ELAVL2: variants seen among roughly 807,000 people sequenced by gnomAD.
ELAVL2 encodes the protein ELAV like RNA binding protein 2, also known as ELAV-like protein 2.
In ELAVL2, 4 loss-of-function variants were observed where a neutral mutation model predicts 34.6. The observed-to-expected ratio is 0.12, with a 90% confidence interval of 0.06 to 0.26. The LOEUF is 0.26. Ranked by LOEUF, ELAVL2 falls within the 10% of genes least tolerant of loss-of-function variation. The pLI is 1.00. For missense variants in ELAVL2, 432 were observed against 442.8 expected (o/e 0.98, Z 0.22); for synonymous variants, 193 against 154.8 (o/e 1.25, Z -1.83).
chr9:23,797,943 G>T (rs937321932), intron 1 of ELAVL2, among the ~76,000 whole-genome samples: 1 of 150,664 alleles, frequency 6.6e-6, no homozygotes, highest in Non-Finnish European at 1.5e-5. Flanking sequence ...GAAAAAAAAA[G>T]AAAAGAAAAG....
intron 1 of ELAVL2, among the ~76,000 whole-genome samples, chr9:23,774,971 C>T (rs2057963510): frequency 6.6e-6 from 1 of 152,124 alleles, no homozygotes; most frequent in African/African-American, 2.4e-5. Context: ...CAAAATCATA[C>T]ACTCTCCTAT....
chr9:23,732,382 T>C (rs924704783), intron 2 of ELAVL2, among the ~76,000 whole-genome samples: 2 of 152,214 alleles, frequency 1.3e-5, no homozygotes, highest in African/African-American at 4.8e-5. Context: ...TTTTGGATAA[T>C]CACTGCTAAT....
the ELAVL2 span, among the ~76,000 whole-genome samples, chr9:23,844,324 C>G: frequency 2.0e-5 from 3 of 152,160 alleles, no homozygotes; most frequent in South Asian, 6.2e-4. Context: ...AGCACGGTGC[C>G]TAACCCAGTA....
intron 2 of ELAVL2, among the ~76,000 whole-genome samples, chr9:23,743,375 T>C (rs1461368049): frequency 6.6e-6 from 1 of 152,170 alleles, no homozygotes; most frequent in Non-Finnish European, 1.5e-5. Context: ...TTAGCTATTG[T>C]AATCCTCCAA....
intron 1 of ELAVL2, among the ~76,000 whole-genome samples, chr9:23,783,869 G>C (rs940662696): frequency 1.3e-5 from 2 of 152,100 alleles, no homozygotes; most frequent in Non-Finnish European, 2.9e-5. Context: ...CAAATAAAGG[G>C]CAAAGTACAC....
chr9:23,732,432 A>G (rs2046807619), intron 2 of ELAVL2, among the ~76,000 whole-genome samples: 1 of 152,220 alleles, frequency 6.6e-6, no homozygotes, highest in Admixed American at 6.5e-5. Flanking sequence ...CTTTTTAAAA[A>G]AGAGAAAGGA....
chr9:23,707,209 G>C (rs563058117), intron 3 of ELAVL2, among the ~76,000 whole-genome samples: 1 of 152,206 alleles, frequency 6.6e-6, no homozygotes, highest in Non-Finnish European at 1.5e-5. Context: ...AACTTAGATG[G>C]AATCAAATCT....
At chr9:23,743,055 T>C (rs1277351937) in intron 2 of ELAVL2, among the ~76,000 whole-genome samples, 2 of 152,152 alleles carry the variant, frequency 1.3e-5, no homozygotes, top group African/African-American at 4.8e-5. Context: ...AAAGGAATCC[T>C]AATGGAACAC....
chr9:23,763,290 A>T (rs1258608808), intron 1 of ELAVL2, among the ~76,000 whole-genome samples: 1 of 152,102 alleles, frequency 6.6e-6, no homozygotes, highest in Non-Finnish European at 1.5e-5. Context: ...AGCAGTATTA[A>T]ATCTAGTTTC....
intron 1 of ELAVL2, chr9:23,779,266 C>T: frequency 1.0e-6 from 1 of 985,368 alleles, no homozygotes; most frequent in Non-Finnish European, 1.2e-6. Flanking sequence ...TTTTGGTTTA[C>T]CCCAGTAGAA....
chr9:23,708,507 G>T (rs779220692), intron 3 of ELAVL2, among the ~76,000 whole-genome samples: 1 of 152,154 alleles, frequency 6.6e-6, no homozygotes, highest in Non-Finnish European at 1.5e-5. Flanking sequence ...ATAATACTAT[G>T]GTAAGTGAGT....
At chr9:23,835,041 C>T in the ELAVL2 span, among the ~76,000 whole-genome samples, 2 of 151,998 alleles carry the variant, frequency 1.3e-5, no homozygotes, top group East Asian at 3.9e-4. Context: ...ATTTAGGTAA[C>T]ATTTCTAAGG....
intron 2 of ELAVL2, among the ~76,000 whole-genome samples, chr9:23,759,784 ATAT>A (rs1564324972): frequency 3.8e-5 from 5 of 132,316 alleles, no homozygotes; most frequent in South Asian, 2.3e-4. Context: ...ATATATATAT[ATAT>A]ATAATGTATA....
chr9:23,693,400 A>G, intron 6 of ELAVL2, 48 bp downstream of exon 6: 2 of 1,610,670 alleles, frequency 1.2e-6, no homozygotes, highest in South Asian at 1.1e-5. Context: ...CAAAGAAACC[A>G]ATCAACTGTG....
chr9:23,692,408 A>T lies in ELAVL2; in HGVS notation c.*149T>A. 1.3e-6 allele frequency: 1 copy of T among 794,230 alleles called. No individual in the cohort carries two copies. Among genetic ancestry groups the T allele is most frequent in the Non-Finnish European group, 1.9e-6 (1 of 517,772 alleles). 49.2% of individuals were successfully genotyped at this position (794,230 alleles called of 1,614,324 possible). A position where few individuals can be genotyped will look rare whatever the true frequency, so the allele number is the denominator to read the frequency against. On this transcript the variant is annotated 3_prime_UTR_variant, in exon 7 of 7. Coordinates refer to ENST00000397312, the MANE Select transcript of ELAVL2 (RefSeq NM_004432.5). ...TTTAATTCAAATACTAGCAATAAAA[A>T]ATCTCACATATTTCTTAGGATGCTA...
At chr9:23,702,606 G>T (rs2037675231) in intron 4 of ELAVL2, among the ~76,000 whole-genome samples, 2 of 151,390 alleles carry the variant, frequency 1.3e-5, no homozygotes, top group African/African-American at 4.8e-5. Flanking sequence ...AAGAAAGAAG[G>T]TCTACTTGCT....
At chr9:23,781,645 G>A (rs2059080071) in intron 1 of ELAVL2, among the ~76,000 whole-genome samples, 1 of 151,216 alleles carries the variant, frequency 6.6e-6, no homozygotes, top group South Asian at 2.1e-4. Context: ...CTCTTGAGTA[G>A]CTGGGACCAC....
chr9:23,826,960 A>C (rs2065335134), upstream of ELAVL2, among the ~76,000 whole-genome samples: 1 of 152,212 alleles, frequency 6.6e-6, no homozygotes, highest in African/African-American at 2.4e-5. Context: ...TTTAAGATAA[A>C]GATGAAGTCA....
At chr9:23,740,861 A>G (rs2048993021) in intron 2 of ELAVL2, among the ~76,000 whole-genome samples, 1 of 152,228 alleles carries the variant, frequency 6.6e-6, no homozygotes, top group Non-Finnish European at 1.5e-5. Context: ...TGCTACTGCC[A>G]AAACGGTCTC....
Sources: gnomAD v4.1 joint callset for allele counts (sites outside exome capture counted in the v4.1 genomes callset) on GRCh38, gnomAD v4.1.1 for gene constraint, MANE v1.5 for transcripts, NCBI Gene and HGNC (gene_info 2026-07-23, HGNC 2026-07-21) for gene names.